LTBP1: variants seen among roughly 807,000 people sequenced by gnomAD.
The protein encoded by LTBP1 is latent-transforming growth factor beta-binding protein 1.
LTBP1 carries 129 observed loss-of-function variants against 207.6 expected under a neutral mutation model. The ratio of observed to expected loss-of-function variants is 0.62; its 90% confidence interval spans 0.54 to 0.72. LTBP1 has a LOEUF of 0.72. Ranked by LOEUF, LTBP1 falls within the 30% of genes least tolerant of loss-of-function variation. LTBP1 has a pLI of 0.00. For synonymous variants in LTBP1, 963 were observed against 833.7 expected, an observed-to-expected ratio of 1.16 and a Z score of -2.67; for missense variants, 2,281 against 2,217.2, an observed-to-expected ratio of 1.03 and a Z score of -0.58.
intron 2 of LTBP1, among the ~76,000 whole-genome samples, chr2:32,984,792 G>C (rs1040120269): frequency 1.3e-5 from 2 of 151,654 alleles, no homozygotes; most frequent in African/African-American, 4.8e-5. Flanking sequence ...TTAGCTGGGC[G>C]TGGTGGCGCA....
intron 5 of LTBP1, among the ~76,000 whole-genome samples, chr2:33,185,396 T>C (rs1283323165): frequency 6.6e-6 from 1 of 152,180 alleles, no homozygotes; most frequent in African/African-American, 2.4e-5. Context: ...TTGAGGTGCC[T>C]ATGAAATATG....
intron 2 of LTBP1, among the ~76,000 whole-genome samples, chr2:32,968,526 C>G (rs1393744335): frequency 6.6e-6 from 1 of 152,056 alleles, no homozygotes; most frequent in Non-Finnish European, 1.5e-5. Context: ...TTGAAAGTAG[C>G]TTTTTGTAGA....
chr2:33,110,266 C>A (rs534798759), intron 3 of LTBP1, among the ~76,000 whole-genome samples: 1 of 152,064 alleles, frequency 6.6e-6, no homozygotes, highest in Non-Finnish European at 1.5e-5. Flanking sequence ...ATATAAATGC[C>A]ATGTTTTTGT....
chr2:33,299,713 ACT>A (rs1485408199), intron 20 of LTBP1, among the ~76,000 whole-genome samples: 4 of 152,116 alleles, frequency 2.6e-5, no homozygotes, highest in South Asian at 2.1e-4. Context: ...CATCTGGAAG[ACT>A]CTACTCTTAC....
At chr2:33,005,239 A>C (rs1355076753) in intron 2 of LTBP1, among the ~76,000 whole-genome samples, 3 of 152,246 alleles carry the variant, frequency 2.0e-5, no homozygotes, top group African/African-American at 7.2e-5. Flanking sequence ...GACAGGGCTC[A>C]GTAGGGACAA....
At chr2:33,099,658 A>G (rs2079599696) in intron 3 of LTBP1, among the ~76,000 whole-genome samples, 1 of 152,164 alleles carries the variant, frequency 6.6e-6, no homozygotes, top group Admixed American at 6.5e-5. Flanking sequence ...CAGATGGATG[A>G]TTTGAGTTTC....
chr2:33,071,351 C>T (rs1034138321), intron 3 of LTBP1, among the ~76,000 whole-genome samples: 6 of 152,192 alleles, frequency 3.9e-5, no homozygotes, highest in Non-Finnish European at 7.3e-5. Flanking sequence ...TTTTTGTAAA[C>T]GCAATCTCAG....
At chr2:33,246,822 C>G (rs1403515320) in intron 10 of LTBP1, among the ~76,000 whole-genome samples, 1 of 152,148 alleles carries the variant, frequency 6.6e-6, no homozygotes, top group African/African-American at 2.4e-5. Flanking sequence ...CTTAGCCAAG[C>G]TAAAAGGAAG....
At chr2:32,992,805 A>G (rs774500446) in intron 2 of LTBP1, among the ~76,000 whole-genome samples, 11 of 152,106 alleles carry the variant, frequency 7.2e-5, no homozygotes, top group Admixed American at 5.2e-4. Flanking sequence ...AGGGTGGCGC[A>G]TGGAGGAAGA....
chr2:33,110,999 A>G (rs1262327195), intron 4 of LTBP1, among the ~76,000 whole-genome samples: 1 of 152,208 alleles, frequency 6.6e-6, no homozygotes, highest in African/African-American at 2.4e-5. Context: ...TGTTTCTGCA[A>G]TATGGCTTCA....
At chr2:33,003,357 A>T (rs1686325768) in intron 2 of LTBP1, among the ~76,000 whole-genome samples, 1 of 152,190 alleles carries the variant, frequency 6.6e-6, no homozygotes. Context: ...GCTTCTTTCA[A>T]CCATCCCCAA....
intron 3 of LTBP1, among the ~76,000 whole-genome samples, chr2:33,040,014 C>A (rs1164764248): frequency 1.3e-5 from 2 of 151,882 alleles, no homozygotes; most frequent in Admixed American, 1.3e-4. Context: ...AAAGAGAGAT[C>A]GAATGGGACC....
In LTBP1 at chr2:33,280,101, T is replaced by C. The variant is rs1335525859; in HGVS notation, c.3055T>C (p.Ser1019Pro). 6.2e-7 allele frequency: 1 copy of C among 1,614,148 alleles called. No homozygotes were observed. The highest frequency in any genetic ancestry group is 8.5e-7 in the Non-Finnish European group (1 of 1,179,974). Residue 1019 changes from serine (S) to proline (P), a missense_variant, in exon 19 of 34, where the codon TCT becomes CCT. This residue lies in a region of LTBP1 where 1,671 missense variants were observed against 1,634.8 expected (regional missense o/e 1.02). Transcript: ENST00000404816. Reference protein sequence around the residue: ...PDEQCVNSPGSYQCVPCTEGF... With the variant: ...PDEQCVNSPGPYQCVPCTEGF... ...TGAGCAGTGTGTGAATTCTCCTGGA[T>C]CTTACCAGTGCGTTCCCTGCACAGA...
intron 2 of LTBP1, among the ~76,000 whole-genome samples, chr2:32,971,109 A>G (rs1680808046): frequency 6.6e-6 from 1 of 151,788 alleles, no homozygotes; most frequent in African/African-American, 2.4e-5. Flanking sequence ...TTGTTGGTGT[A>G]TAGAAATGCT....
At chr2:33,254,852 G>GTTTTTTGTTTTTTT (rs2092794817) in intron 11 of LTBP1, among the ~76,000 whole-genome samples, 2 of 10,362 alleles carry the variant, frequency 1.9e-4, no homozygotes, top group Non-Finnish European at 2.9e-4. Flanking sequence ...GCGGTGTTTG[G>GTTTTTTGTTTTTTT]TTTTTTTTTT....
At chr2:33,390,033 C>G (rs2095302202) in intron 32 of LTBP1, among the ~76,000 whole-genome samples, 1 of 152,196 alleles carries the variant, frequency 6.6e-6, no homozygotes. Flanking sequence ...AGTTGTATTG[C>G]AGCCTTTTTT....
At chr2:33,250,514 C>T (rs763593350) in intron 10 of LTBP1, among the ~76,000 whole-genome samples, 6 of 152,108 alleles carry the variant, frequency 3.9e-5, no homozygotes, top group Non-Finnish European at 5.9e-5. Context: ...GGAGCCTGCT[C>T]AGCCAGGATT....
Position 33,360,635 on chromosome 2 carries a change from A to G in LTBP1, c.4039A>G (p.Lys1347Glu), listed in dbSNP as rs751780555. 1.2e-6 allele frequency: 2 copies of G among 1,613,782 alleles called. No individual in the cohort carries two copies. The highest frequency in any genetic ancestry group is 1.3e-5 in the African/African-American group (1 of 74,928). The change falls in exon 27 of 34, where the codon AAA (lysine) becomes GAA (glutamate). Residue 1347 changes from lysine to glutamate, a missense_variant. Physicochemically the swap from Lys to Glu is moderately conservative, Grantham distance 56 (BLOSUM62 1). Around this residue, in one of 3 missense-constraint regions of LTBP1, gnomAD observed 1,671 missense variants for 1,634.8 expected, o/e 1.02. Coordinates refer to ENST00000404816, the MANE Select transcript of LTBP1 (RefSeq NM_206943.4). ...VDVDQPKEEK[K>E]ECYYNLNDAS... is the part of the protein sequence containing the mutation. ...TGTAGATCAACCCAAAGAAGAAAAG[A>G]AAGAATGCTACTATAATCTCAATGA...
At chr2:33,390,833 G>T (rs1461842959) in intron 32 of LTBP1, among the ~76,000 whole-genome samples, 1 of 152,046 alleles carries the variant, frequency 6.6e-6, no homozygotes, top group Non-Finnish European at 1.5e-5. Flanking sequence ...CGAGGAGTTT[G>T]ACTTAGGACT....
Sources: allele counts gnomAD v4.1 joint callset (sites outside exome capture counted in the v4.1 genomes callset), GRCh38; gene constraint gnomAD v4.1.1; regional missense constraint gnomAD v4.1.1; transcripts MANE v1.5; gene names NCBI Gene and HGNC (gene_info 2026-07-23, HGNC 2026-07-21).